VPS13B: variants seen among roughly 807,000 people sequenced by gnomAD.
VPS13B encodes the protein vacuolar protein sorting 13 homolog B, also known as intermembrane lipid transfer protein VPS13B.
A neutral mutation model predicts 426.4 loss-of-function variants in VPS13B; 285 were observed. The observed-to-expected ratio is 0.67, with a 90% confidence interval of 0.61 to 0.74. The LOEUF (loss-of-function observed/expected upper bound fraction) is 0.74, where lower values mean the gene tolerates loss of function less well. Ranked by LOEUF, VPS13B falls within the 30% of genes least tolerant of loss-of-function variation. The pLI, the probability that VPS13B is intolerant of heterozygous loss-of-function variation, is 0.00. For synonymous variants in VPS13B, 1,676 were observed against 1,676.4 expected (o/e 1.00, Z 0.01); for missense variants, 4,537 against 4,782.6 (o/e 0.95, Z 1.51).
chr8:99,440,469 A>T (rs1213042607), intron 22 of VPS13B, among the ~76,000 whole-genome samples: 1 of 152,164 alleles, frequency 6.6e-6, no homozygotes, highest in Non-Finnish European at 1.5e-5. Context: ...ACAATTTTAT[A>T]CATACAGTTT....
chr8:99,626,026 A>G (rs750038425), intron 33 of VPS13B, among the ~76,000 whole-genome samples: 3 of 152,232 alleles, frequency 2.0e-5, no homozygotes, highest in Non-Finnish European at 4.4e-5. Context: ...AAATTAACAC[A>G]AAATGAATCA....
chr8:99,778,935 G>T lies in VPS13B; in HGVS notation c.7683G>T (p.Lys2561Asn), dbSNP rs1205859728. 1.2e-6 allele frequency: 2 copies of T among 1,613,958 alleles called. No individual in the cohort carries two copies. Among genetic ancestry groups the T allele is most frequent in the Non-Finnish European group, 1.7e-6 (2 of 1,179,892 alleles). Residue 2561 changes from lysine to asparagine, a missense_variant, in exon 42 of 62, where the codon AAG becomes AAT. Physicochemically the swap from Lys to Asn is moderately conservative, Grantham distance 94. Transcript: ENST00000357162. ...CAGTTTCCAGCGATGTAGTGGAAAA[G>T]CTGCTTGACTGCACCGTGATAGTTG... ...QMAVSSDVVE[K>N]LLDCTVIVDS...
intron 19 of VPS13B, among the ~76,000 whole-genome samples, chr8:99,306,208 G>A (rs1421823295): frequency 6.6e-6 from 1 of 152,000 alleles, no homozygotes; most frequent in East Asian, 1.9e-4. Flanking sequence ...GAACTATGTG[G>A]GCAGGATAAA....
chr8:99,175,551 G>A (rs1167898338), intron 16 of VPS13B, among the ~76,000 whole-genome samples: 1 of 152,144 alleles, frequency 6.6e-6, no homozygotes, highest in African/African-American at 2.4e-5. Context: ...GGAGGCCAAG[G>A]TGTGAGGATT....
chr8:99,228,821 T>C (rs918364941), intron 17 of VPS13B, among the ~76,000 whole-genome samples: 1 of 152,150 alleles, frequency 6.6e-6, no homozygotes, highest in African/African-American at 2.4e-5. Flanking sequence ...TAAGTACTGC[T>C]GGACGTTCAA....
At chr8:99,378,464 G>C (rs1180943222) in intron 19 of VPS13B, among the ~76,000 whole-genome samples, 4 of 152,170 alleles carry the variant, frequency 2.6e-5, no homozygotes, top group African/African-American at 9.7e-5. Flanking sequence ...AGAGATTAAA[G>C]TAAAGACAGG....
At chr8:99,806,248 T>C (rs1813392462) in intron 43 of VPS13B, among the ~76,000 whole-genome samples, 1 of 152,378 alleles carries the variant, frequency 6.6e-6, no homozygotes, top group African/African-American at 2.4e-5. Context: ...CAACCCTTTA[T>C]CCACGTTCCC....
chr8:99,472,405 A>T (rs956254997), intron 24 of VPS13B, among the ~76,000 whole-genome samples: 1 of 151,984 alleles, frequency 6.6e-6, no homozygotes, highest in Non-Finnish European at 1.5e-5. Flanking sequence ...TAATAATAAA[A>T]TAGCTAGAAA....
chr8:99,461,258 G>A (rs1818818178), intron 23 of VPS13B, among the ~76,000 whole-genome samples: 1 of 151,862 alleles, frequency 6.6e-6, no homozygotes, highest in Non-Finnish European at 1.5e-5. Context: ...TATGACCTAT[G>A]CAGAAAGAAT....
At chr8:99,709,316 T>G (rs1456793605) in intron 36 of VPS13B, among the ~76,000 whole-genome samples, 3 of 152,224 alleles carry the variant, frequency 2.0e-5, no homozygotes, top group Non-Finnish European at 4.4e-5. Flanking sequence ...AGTCAGCATG[T>G]AGACACTAGG....
intron 61 of VPS13B, among the ~76,000 whole-genome samples, chr8:99,872,718 C>T (rs753983985): frequency 1.3e-5 from 2 of 152,218 alleles, no homozygotes; most frequent in Non-Finnish European, 2.9e-5. Flanking sequence ...TGGCCCTAAC[C>T]TGGGGACTGA....
chr8:99,021,270 G>A (rs893839939), intron 2 of VPS13B, among the ~76,000 whole-genome samples: 2 of 152,118 alleles, frequency 1.3e-5, no homozygotes, highest in South Asian at 2.1e-4. Context: ...GCTCTAAATC[G>A]TTATATGTAA....
intron 12 of VPS13B, among the ~76,000 whole-genome samples, chr8:99,137,267 A>G (rs1298583522): frequency 2.0e-5 from 3 of 151,680 alleles, no homozygotes; most frequent in Non-Finnish European, 4.4e-5. Flanking sequence ...TTTTACTTCT[A>G]TATCAATATA....
chr8:99,738,230 A>C (rs574050635), intron 39 of VPS13B, among the ~76,000 whole-genome samples: 4 of 152,362 alleles, frequency 2.6e-5, no homozygotes, highest in African/African-American at 9.6e-5. Context: ...ATTTTTCAAA[A>C]ATGACTAATG....
intron 16 of VPS13B, among the ~76,000 whole-genome samples, chr8:99,188,053 ATTTTTTTTTT>A (rs60360700): frequency 1.8e-5 from 2 of 112,780 alleles, no homozygotes; most frequent in Non-Finnish European, 1.8e-5. Context: ...TTGTTTGGAC[ATTTTTTTTTT>A]TTTTTTTTTT....
intron 39 of VPS13B, among the ~76,000 whole-genome samples, chr8:99,730,620 T>TGA (rs1008679411): frequency 6.6e-6 from 1 of 152,038 alleles, no homozygotes; most frequent in Non-Finnish European, 1.5e-5. Context: ...GGCTAAATGC[T>TGA]GAGAGAGAGA....
At chr8:99,162,635 C>T (rs992150900) in intron 15 of VPS13B, among the ~76,000 whole-genome samples, 3 of 151,940 alleles carry the variant, frequency 2.0e-5, no homozygotes, top group South Asian at 2.1e-4. Context: ...CTTAAGGCAG[C>T]GCGTCTGGAG....
intron 21 of VPS13B, among the ~76,000 whole-genome samples, chr8:99,412,241 T>G (rs1338626586): frequency 6.6e-6 from 1 of 152,236 alleles, no homozygotes; most frequent in African/African-American, 2.4e-5. Context: ...CCTCTCTTAT[T>G]TCGTTGAGCA....
At chr8:99,241,421 G>T (rs1192277872) in intron 17 of VPS13B, 2 of 152,084 alleles carry the variant, frequency 1.3e-5, no homozygotes, top group African/African-American at 4.8e-5. Flanking sequence ...AGTCAGTCAG[G>T]TCTTTGTGAA....
Sources: allele counts gnomAD v4.1 joint callset (sites outside exome capture counted in the v4.1 genomes callset), GRCh38; gene constraint gnomAD v4.1.1; transcripts MANE v1.5; gene names NCBI Gene and HGNC (gene_info 2026-07-23, HGNC 2026-07-21).